Variants in HEATR4 observed in about 807,000 individuals in gnomAD.
The protein encoded by HEATR4 is HEAT repeat containing 4, also known as HEAT repeat-containing protein 4.
Under a neutral mutation model 108.8 loss-of-function variants are expected in HEATR4, and 95 were observed. The ratio of observed to expected loss-of-function variants is 0.87; its 90% CI spans 0.74 to 1.04. The LOEUF (loss-of-function observed/expected upper bound fraction) is 1.04, where lower values mean the gene tolerates loss of function less well. Among genes scored for constraint, HEATR4 ranks in the 50% least tolerant of loss-of-function variants. HEATR4 has a pLI of 0.00. For missense variants in HEATR4, 1,152 were observed against 1,253.8 expected (o/e 0.92, Z 1.23); for synonymous variants, 443 against 459.4 (o/e 0.96, Z 0.46).
In HEATR4 at chr14:73,542,334, T is replaced by C. The variant is rs1321635575; in HGVS notation, c.-151-12090A>G. Among the ~76,000 whole-genome samples the C allele has an allele frequency of 2.7e-5, 3 of 110,056 alleles. 1 individual carries two copies. The highest frequency in any genetic ancestry group is 5.8e-5 in the Non-Finnish European group (3 of 51,876). The allele number at this position is 110,056 out of a possible 152,430, so 72.2% of individuals were successfully genotyped here. ...GTTTCTATTCAATTCTATATTACTA[T>C]ATTTCCTGCTAGTAAAGATATTTGT... On this transcript the variant is annotated intron_variant, in intron 1 of 17. Transcript: ENST00000553558.
chr14:73,598,573 G>A, the HEATR4 span, among the ~76,000 whole-genome samples: 14 of 151,100 alleles, frequency 9.3e-5, no homozygotes, highest in African/African-American at 2.4e-4. Flanking sequence ...GAGCCACTAT[G>A]TAAGAAGTTT....
At chr14:73,491,760 A>C in intron 17 of HEATR4, 1 of 1,564,298 alleles carries the variant, frequency 6.4e-7, no homozygotes, top group Non-Finnish European at 8.7e-7. Flanking sequence ...GCTGACCTGG[A>C]TTCGATGCTG....
intron 1 of HEATR4, among the ~76,000 whole-genome samples, chr14:73,553,468 G>C (rs373486348): frequency 8.9e-6 from 1 of 112,242 alleles, no homozygotes; most frequent in Admixed American, 1.0e-4. Flanking sequence ...CCGGGATCGC[G>C]CCACTGCACT....
chr14:73,604,412 A>G, the HEATR4 span, among the ~76,000 whole-genome samples: 1 of 145,666 alleles, frequency 6.9e-6, no homozygotes, highest in Non-Finnish European at 1.5e-5. Context: ...TCATCCACCC[A>G]CCTCGGCCTC....
At chr14:73,579,291 A>C in the HEATR4 span, among the ~76,000 whole-genome samples, 3 of 94,136 alleles carry the variant, frequency 3.2e-5, no homozygotes, top group Non-Finnish European at 6.2e-5. Context: ...AAAAAAAAAA[A>C]AAACGCTGGG....
intron 17 of HEATR4, among the ~76,000 whole-genome samples, chr14:73,486,566 C>T (rs1317972811): frequency 6.6e-6 from 1 of 152,052 alleles, no homozygotes; most frequent in African/African-American, 2.4e-5. Flanking sequence ...GGTGTGGTGG[C>T]CTGCGCCTGT....
chr14:73,525,603 C>T (rs1204021347), intron 2 of HEATR4, among the ~76,000 whole-genome samples: 1 of 152,146 alleles, frequency 6.6e-6, no homozygotes, highest in Non-Finnish European at 1.5e-5. Context: ...CAAACAGACC[C>T]CTCCAGCGAT....
At chr14:73,586,361 T>C in the HEATR4 span, among the ~76,000 whole-genome samples, 10,924 of 151,528 alleles carry the variant, frequency 0.072, 565 homozygotes, top group African/African-American at 0.14. Flanking sequence ...GCCATTGCAT[T>C]CCAGCCTGGG....
intron 17 of HEATR4, chr14:73,491,626 C>T: frequency 1.3e-6 from 2 of 1,549,272 alleles, no homozygotes; most frequent in Non-Finnish European, 8.7e-7. Context: ...GGCGAGCGGC[C>T]CGCCTCTTTG....
chr14:73,625,023 A>C, the HEATR4 span, among the ~76,000 whole-genome samples: 2 of 152,098 alleles, frequency 1.3e-5, no homozygotes, highest in African/African-American at 2.4e-5. Flanking sequence ...ACATCTGGTA[A>C]TTCTTACAAT....
chr14:73,506,331 G>T (rs933331036), intron 10 of HEATR4, 136 bp downstream of exon 10: 5 of 635,430 alleles, frequency 7.9e-6, no homozygotes, highest in Non-Finnish European at 1.4e-5. Flanking sequence ...TTCTGGGCTA[G>T]AAGTAAGAAG....
chr14:73,602,100 C>A, the HEATR4 span, among the ~76,000 whole-genome samples: 7 of 152,102 alleles, frequency 4.6e-5, no homozygotes, highest in African/African-American at 1.7e-4. Context: ...GCCACCGTGC[C>A]TGGCTAATTT....
chr14:73,624,904 C>T, the HEATR4 span, among the ~76,000 whole-genome samples: 1 of 152,054 alleles, frequency 6.6e-6, no homozygotes, highest in East Asian at 1.9e-4. Flanking sequence ...TTTTATTGGG[C>T]TTTGCTTTAT....
intron 5 of HEATR4, among the ~76,000 whole-genome samples, chr14:73,518,763 G>A (rs1887789918): frequency 6.6e-6 from 1 of 152,186 alleles, no homozygotes; most frequent in Non-Finnish European, 1.5e-5. Context: ...TTGGTAACTA[G>A]TGGCCCTAAA....
the HEATR4 span, chr14:73,619,786 T>G: frequency 1.2e-6 from 2 of 1,611,410 alleles, no homozygotes; most frequent in Non-Finnish European, 8.5e-7. Context: ...AATTCAAACT[T>G]TCTTCCATAA....
In HEATR4 at chr14:73,522,939, T is replaced by C. The variant is rs1224825136; in HGVS notation, c.214A>G (p.Thr72Ala). ...TGCCACACCACCTCCTGAGAGAAGG[T>C]AAGGTTTGCAGCAGCCATTTTCAAA... ...QYLKMAAANL[T>A]FSQEVVWQRG... The change falls in exon 3 of 18, where the codon ACC becomes GCC. Residue 72 changes from threonine to alanine, a missense_variant. Thr to Ala is a moderately conservative substitution (Grantham distance 58). Coordinates refer to ENST00000553558, the MANE Select transcript of HEATR4 (RefSeq NM_001220484.1). 3.1e-6 allele frequency: 5 copies of C among 1,614,010 alleles called. No individual in the cohort carries two copies. The highest frequency in any genetic ancestry group is 4.2e-6 in the Non-Finnish European group (5 of 1,180,024).
the HEATR4 span, among the ~76,000 whole-genome samples, chr14:73,621,859 G>A: frequency 6.7e-6 from 1 of 149,992 alleles, no homozygotes; most frequent in Non-Finnish European, 1.5e-5. Flanking sequence ...AACCTCCTGG[G>A]CTCAAGTGAT....
At chr14:73,506,606 A>G (rs1452329833) in intron 9 of HEATR4, 35 bp from the exon 10 acceptor site, 11 of 1,496,596 alleles carry the variant, frequency 7.4e-6, no homozygotes, top group Non-Finnish European at 1.0e-5. Flanking sequence ...GATATTCACA[A>G]TCACTTTTAG....
chr14:73,513,571 C>T (rs1164487942), intron 6 of HEATR4, among the ~76,000 whole-genome samples: 2 of 151,240 alleles, frequency 1.3e-5, no homozygotes, highest in East Asian at 3.9e-4. Context: ...ACCAAAGATA[C>T]AAAAAGTTAA....
Sources: gnomAD v4.1 joint callset for allele counts (sites outside exome capture counted in the v4.1 genomes callset) on GRCh38, gnomAD v4.1.1 for gene constraint, MANE v1.5 for transcripts, NCBI Gene and HGNC (gene_info 2026-07-23, HGNC 2026-07-21) for gene names.